PLCB1: variants seen among roughly 807,000 people sequenced by gnomAD.
PLCB1 encodes phospholipase C beta 1.
A neutral mutation model predicts 161.8 loss-of-function variants in PLCB1; 46 were observed. The observed-to-expected ratio is 0.28, with a 90% CI of 0.22 to 0.36. The LOEUF is 0.36. Among genes scored for constraint, PLCB1 ranks in the 10% least tolerant of loss-of-function variants. The probability of loss-of-function intolerance (pLI) is 1.00; values close to 1 mark genes in which losing one functional copy is unlikely to be tolerated. For synonymous variants in PLCB1, 517 were observed against 503.7 expected (o/e 1.03, Z -0.35); for missense variants, 1,016 against 1,472.5 (o/e 0.69, Z 5.07).
At chr20:8,645,372 C>T (rs7273915) in intron 4 of PLCB1, among the ~76,000 whole-genome samples, 13,897 of 152,144 alleles carry the variant, frequency 0.091, 1,278 homozygotes, top group African/African-American at 0.23. Flanking sequence ...ACAACAATAT[C>T]AGATGATGAC....
chr20:8,504,543 T>C (rs1225106302), intron 3 of PLCB1, among the ~76,000 whole-genome samples: 2 of 152,200 alleles, frequency 1.3e-5, no homozygotes, highest in Non-Finnish European at 2.9e-5. Context: ...TTCACATAAT[T>C]AGAAAACTAT....
Position 8,709,354 on chromosome 20 carries a change from C to A in PLCB1, c.1250+602C>A, listed in dbSNP as rs6140697. Among the ~76,000 whole-genome samples, 96 of 152,208 alleles carry A rather than the reference C, an allele frequency of 6.3e-4. 1 individual carries two copies. The East Asian group carries it at 0.012, about 18-fold the overall frequency. ...TTATATTCATTTTATCACACATTAC[C>A]AAAGAGAGACACATTTATATCTAAT... On this transcript the variant is annotated intron_variant, in intron 12 of 31. Transcript: ENST00000338037.
intron 27 of PLCB1, among the ~76,000 whole-genome samples, chr20:8,788,202 C>A (rs903980015): frequency 9.2e-5 from 14 of 152,232 alleles, no homozygotes; most frequent in African/African-American, 2.9e-4. Flanking sequence ...ACTGCCACAA[C>A]AATCTAATGA....
At chr20:8,239,103 T>C (rs974330696) in intron 2 of PLCB1, among the ~76,000 whole-genome samples, 1 of 151,780 alleles carries the variant, frequency 6.6e-6, no homozygotes, top group Non-Finnish European at 1.5e-5. Flanking sequence ...AGGAGGAGAT[T>C]GGAGCAGTAT....
At chr20:8,394,360 T>A (rs1319733017) in intron 3 of PLCB1, among the ~76,000 whole-genome samples, 1 of 152,176 alleles carries the variant, frequency 6.6e-6, no homozygotes, top group African/African-American at 2.4e-5. Flanking sequence ...GAGCAATAAC[T>A]TTTAATAGTC....
rs1376110259 is a variant in PLCB1, at chr20:8,774,541, C to G, written c.2933C>G (p.Ser978Trp). 6.2e-7 allele frequency: 1 copy of G among 1,604,896 alleles called. No homozygotes were observed. The highest frequency in any genetic ancestry group is 1.1e-5 in the South Asian group (1 of 89,794). Residue 978 changes from serine to tryptophan, a missense_variant and splice_region_variant, in exon 27 of 32, where the codon TCG (serine) becomes TGG (tryptophan). Coordinates refer to ENST00000338037, the MANE Select transcript of PLCB1 (RefSeq NM_015192.4). ...AGTCAAACTCTGTGTCTTTGCAGAT[C>G]GGAACCCAGCAGCCCTGATCATGGT... is the stretch of plus-strand genomic sequence containing the variant. Reference protein sequence around the residue: ...KSAKKDSKKKSEPSSPDHGSS... With the variant: ...KSAKKDSKKKWEPSSPDHGSS...
chr20:8,795,888 A>AG (rs1984001488), intron 31 of PLCB1, among the ~76,000 whole-genome samples: 3 of 134,016 alleles, frequency 2.2e-5, no homozygotes, highest in East Asian at 2.2e-4. Context: ...AAAAAAAAAA[A>AG]AAAAAAGAAA....
At chr20:8,723,314 C>G (rs1979749449) in intron 15 of PLCB1, among the ~76,000 whole-genome samples, 1 of 152,084 alleles carries the variant, frequency 6.6e-6, no homozygotes, top group Non-Finnish European at 1.5e-5. Flanking sequence ...ATCAGTGATT[C>G]TAAATAATTT....
At chr20:8,199,935 G>A (rs2052074331) in intron 2 of PLCB1, among the ~76,000 whole-genome samples, 2 of 152,136 alleles carry the variant, frequency 1.3e-5, no homozygotes, top group African/African-American at 4.8e-5. Context: ...CTTAGGCACA[G>A]AGAGGTTGAA....
At chr20:8,524,443 G>T (rs1471437360) in intron 3 of PLCB1, among the ~76,000 whole-genome samples, 1 of 151,978 alleles carries the variant, frequency 6.6e-6, no homozygotes, top group Non-Finnish European at 1.5e-5. Context: ...TTTGCTAATC[G>T]GTCATGGCAC....
chr20:8,837,505 A>T (rs774896636), intron 31 of PLCB1, among the ~76,000 whole-genome samples: 2 of 152,194 alleles, frequency 1.3e-5, no homozygotes, highest in South Asian at 4.1e-4. Flanking sequence ...GGCATTTGGA[A>T]AGTGCTGTAA....
chr20:8,444,376 A>G (rs1172496688), intron 3 of PLCB1, among the ~76,000 whole-genome samples: 1 of 152,126 alleles, frequency 6.6e-6, no homozygotes, highest in Non-Finnish European at 1.5e-5. Flanking sequence ...AAGGACATGA[A>G]CTCATCCTTT....
At chr20:8,602,653 A>T (rs1987627529) in intron 3 of PLCB1, among the ~76,000 whole-genome samples, 2 of 152,172 alleles carry the variant, frequency 1.3e-5, no homozygotes, top group South Asian at 4.1e-4. Flanking sequence ...AATTTTGCTT[A>T]ATTGTTCTCT....
intron 31 of PLCB1, among the ~76,000 whole-genome samples, chr20:8,859,702 T>A (rs1987190633): frequency 6.6e-6 from 1 of 152,204 alleles, no homozygotes; most frequent in East Asian, 1.9e-4. Context: ...TGAAGTCTTT[T>A]CCACAGGGTA....
intron 31 of PLCB1, among the ~76,000 whole-genome samples, chr20:8,863,679 C>G (rs1308899812): frequency 6.6e-6 from 1 of 152,132 alleles, no homozygotes; most frequent in Non-Finnish European, 1.5e-5. Flanking sequence ...TGTATTTTAC[C>G]ATTATAACCA....
At chr20:8,808,960 C>G (rs2146249187) in intron 31 of PLCB1, among the ~76,000 whole-genome samples, 1 of 152,186 alleles carries the variant, frequency 6.6e-6, no homozygotes, top group East Asian at 1.9e-4. Flanking sequence ...ACTCATAACT[C>G]ATCATTTACC....
At chr20:8,838,528 G>A (rs1305781219) in intron 31 of PLCB1, among the ~76,000 whole-genome samples, 2 of 152,224 alleles carry the variant, frequency 1.3e-5, no homozygotes, top group African/African-American at 4.8e-5. Context: ...ACTTGGAATA[G>A]ATAAATTCCC....
chr20:8,251,992 G>T (rs1041810028), intron 2 of PLCB1, among the ~76,000 whole-genome samples: 2 of 151,946 alleles, frequency 1.3e-5, no homozygotes, highest in African/African-American at 4.8e-5. Context: ...AGGAAGCCCT[G>T]AAGGACCTAG....
chr20:8,300,963 C>G (rs1277325821), intron 2 of PLCB1, among the ~76,000 whole-genome samples: 1 of 152,138 alleles, frequency 6.6e-6, no homozygotes, highest in Non-Finnish European at 1.5e-5. Context: ...TTTCATTGAG[C>G]CTTTTGGGAA....
Sources: gnomAD v4.1 joint callset for allele counts (sites outside exome capture counted in the v4.1 genomes callset) on GRCh38, gnomAD v4.1.1 for gene constraint, MANE v1.5 for transcripts, NCBI Gene and HGNC (gene_info 2026-07-23, HGNC 2026-07-21) for gene names.